Variants in LRRC4C observed in about 807,000 individuals in gnomAD.
LRRC4C encodes leucine-rich repeat-containing protein 4C.
LRRC4C carries 5 observed loss-of-function variants against 33.6 expected under a neutral mutation model. The observed-to-expected ratio is 0.15, with a 90% confidence interval of 0.08 to 0.31. The LOEUF is 0.31. Among genes scored for constraint, LRRC4C ranks in the 10% least tolerant of loss-of-function variants. The probability of loss-of-function intolerance (pLI) is 1.00; values close to 1 mark genes in which losing one functional copy is unlikely to be tolerated. For synonymous variants in LRRC4C, 329 were observed against 302.0 expected (o/e 1.09, Z -0.93); for missense variants, 560 against 796.7 (o/e 0.70, Z 3.58).
At chr11:41,376,389 A>G (rs1040064343) in intron 1 of LRRC4C, among the ~76,000 whole-genome samples, 2 of 152,206 alleles carry the variant, frequency 1.3e-5, no homozygotes, top group African/African-American at 4.8e-5. Flanking sequence ...GGCTGAAAGT[A>G]GAATTGAATT....
intron 4 of LRRC4C, among the ~76,000 whole-genome samples, chr11:40,276,775 G>A (rs975837301): frequency 3.3e-5 from 5 of 150,592 alleles, no homozygotes; most frequent in Admixed American, 6.7e-5. Flanking sequence ...CAATCATGCT[G>A]TTTTGTGCCT....
intron 1 of LRRC4C, among the ~76,000 whole-genome samples, chr11:41,130,224 G>A (rs552969237): frequency 2.4e-4 from 36 of 151,748 alleles, no homozygotes; most frequent in Non-Finnish European, 4.6e-4. Context: ...TCATCTCCTT[G>A]GCACTACATT....
intron 3 of LRRC4C, among the ~76,000 whole-genome samples, chr11:40,623,744 G>A (rs1453295762): frequency 6.6e-6 from 1 of 152,054 alleles, no homozygotes; most frequent in Non-Finnish European, 1.5e-5. Flanking sequence ...TCTCTTGAGA[G>A]TACCTCACTT....
chr11:41,275,522 C>T (rs1410579218), intron 1 of LRRC4C, among the ~76,000 whole-genome samples: 1 of 151,938 alleles, frequency 6.6e-6, no homozygotes, highest in Non-Finnish European at 1.5e-5. Context: ...AATTAATTAC[C>T]CTGCCTTGCT....
At chr11:40,645,634 A>G (rs777105635) in intron 3 of LRRC4C, among the ~76,000 whole-genome samples, 9 of 152,222 alleles carry the variant, frequency 5.9e-5, no homozygotes, top group Non-Finnish European at 1.2e-4. Context: ...TCCTAGTGAT[A>G]AAACAGCACT....
rs1447834247 is a variant in LRRC4C, at chr11:41,183,701, A to G, written c.-495-249978T>C. On this transcript the variant is annotated intron_variant, in intron 1 of 6. Coordinates refer to ENST00000528697, the MANE Select transcript of LRRC4C (RefSeq NM_001258419.2). ...TCTACCATTCTGGGGTTTGGAGGAC[A>G]GTGGCCCTCTTCTCACAGCTCCACT... 2.0e-5 allele frequency among the ~76,000 whole-genome samples: 3 copies of G among 152,330 alleles called. No individual in the cohort carries two copies. In the East Asian group the frequency reaches 5.8e-4, roughly 29 times the overall value.
intron 3 of LRRC4C, among the ~76,000 whole-genome samples, chr11:40,382,327 G>T (rs925948682): frequency 3.3e-5 from 5 of 151,334 alleles, no homozygotes; most frequent in Non-Finnish European, 4.4e-5. Context: ...ATTTAAAATT[G>T]TAATTATTGA....
intron 1 of LRRC4C, among the ~76,000 whole-genome samples, chr11:41,436,160 T>C (rs942071749): frequency 5.3e-5 from 8 of 152,184 alleles, no homozygotes; most frequent in African/African-American, 1.9e-4. Context: ...GCTGAGATCG[T>C]GCCACTGCAC....
chr11:40,514,019 A>G (rs933792811), intron 3 of LRRC4C, among the ~76,000 whole-genome samples: 3 of 152,162 alleles, frequency 2.0e-5, no homozygotes, highest in African/African-American at 7.2e-5. Context: ...TGGAATTGCT[A>G]CTAAGGCAAA....
At chr11:40,656,282 T>G (rs932902238) in intron 2 of LRRC4C, among the ~76,000 whole-genome samples, 1 of 151,816 alleles carries the variant, frequency 6.6e-6, no homozygotes, top group Non-Finnish European at 1.5e-5. Context: ...TATTCTCCCA[T>G]TCTTGTTTTC....
intron 3 of LRRC4C, among the ~76,000 whole-genome samples, chr11:40,619,191 A>C (rs915079655): frequency 6.6e-6 from 1 of 151,756 alleles, no homozygotes; most frequent in Non-Finnish European, 1.5e-5. Flanking sequence ...CAAAAATATA[A>C]AGAATGAATA....
intron 3 of LRRC4C, among the ~76,000 whole-genome samples, chr11:40,361,632 T>C (rs976291666): frequency 2.0e-5 from 3 of 152,148 alleles, no homozygotes; most frequent in Non-Finnish European, 4.4e-5. Flanking sequence ...CATTCCATGC[T>C]CATGGATAGG....
chr11:41,299,366 A>G (rs527971904), intron 1 of LRRC4C, among the ~76,000 whole-genome samples: 1 of 152,182 alleles, frequency 6.6e-6, no homozygotes, highest in Non-Finnish European at 1.5e-5. Context: ...GTTACATTGC[A>G]TCAAACCTGC....
At chr11:41,413,079 G>A (rs1954550331) in intron 1 of LRRC4C, among the ~76,000 whole-genome samples, 1 of 146,236 alleles carries the variant, frequency 6.8e-6, no homozygotes, top group Non-Finnish European at 1.5e-5. Flanking sequence ...TTCCATTGCT[G>A]TTGAGCTTTA....
intron 3 of LRRC4C, among the ~76,000 whole-genome samples, chr11:40,384,988 G>A (rs2137390301): frequency 1.3e-5 from 2 of 152,006 alleles, no homozygotes; most frequent in Middle Eastern, 3.4e-3. Context: ...TTTTTGTATT[G>A]TTTTGTATAT....
chr11:40,592,787 G>C (rs1402887378), intron 3 of LRRC4C, among the ~76,000 whole-genome samples: 1 of 152,156 alleles, frequency 6.6e-6, no homozygotes, highest in Non-Finnish European at 1.5e-5. Flanking sequence ...TCTAGTGAAA[G>C]GTAAATAGCA....
intron 4 of LRRC4C, among the ~76,000 whole-genome samples, chr11:40,305,703 A>C (rs1406642328): frequency 6.6e-6 from 1 of 152,088 alleles, no homozygotes; most frequent in Non-Finnish European, 1.5e-5. Context: ...CCAACACCAG[A>C]AGTTTCAGTA....
At chr11:40,760,728 A>G (rs1949165227) in intron 2 of LRRC4C, among the ~76,000 whole-genome samples, 1 of 150,148 alleles carries the variant, frequency 6.7e-6, no homozygotes. Flanking sequence ...CTTCTACCTC[A>G]GCCTCCTGTG....
intron 1 of LRRC4C, among the ~76,000 whole-genome samples, chr11:41,380,362 C>T (rs1445010237): frequency 2.0e-5 from 3 of 152,000 alleles, no homozygotes; most frequent in African/African-American, 7.2e-5. Flanking sequence ...GAAAATTTCT[C>T]CCTCTTTCCT....
Sources: gnomAD v4.1 joint callset for allele counts (sites outside exome capture counted in the v4.1 genomes callset) on GRCh38, gnomAD v4.1.1 for gene constraint, MANE v1.5 for transcripts, NCBI Gene and HGNC (gene_info 2026-07-23, HGNC 2026-07-21) for gene names.